OSBPL10: variants seen among roughly 807,000 people sequenced by gnomAD.
OSBPL10 encodes oxysterol-binding protein-related protein 10.
A neutral mutation model predicts 81.7 loss-of-function variants in OSBPL10; 49 were observed. That is an observed-to-expected ratio of 0.60 (90% CI 0.48 to 0.76). The LOEUF (loss-of-function observed/expected upper bound fraction) is 0.76. Among genes scored for constraint, OSBPL10 ranks in the 30% least tolerant of loss-of-function variants. OSBPL10 has a pLI of 0.00. For missense variants in OSBPL10, 923 were observed against 987.8 expected (o/e 0.93, Z 0.88); for synonymous variants, 419 against 383.6 (o/e 1.09, Z -1.08).
At chr3:31,687,061 A>G (rs2125556462) in intron 7 of OSBPL10, among the ~76,000 whole-genome samples, 1 of 152,248 alleles carries the variant, frequency 6.6e-6, no homozygotes, top group South Asian at 2.1e-4. Flanking sequence ...ATCAATGACA[A>G]AGGACAGGCT....
intron 2 of OSBPL10, chr3:31,989,202 G>C (rs747511742): frequency 1.2e-6 from 2 of 1,614,146 alleles, no homozygotes; most frequent in East Asian, 4.5e-5. Context: ...GGAAATGCCT[G>C]GACCCTACGC....
rs1215749385 is a variant in OSBPL10, at chr3:32,060,655, TA to T, written n.186-14053del. ...TTTGATTGTGTTGCTCCCCAGCTTT[TA>T]AAAAAACCCACTTCCATGGGCAGGC... On this transcript the variant is annotated intron_variant and non_coding_transcript_variant, in intron 1 of 3. Transcript: ENST00000479173. Among the ~76,000 whole-genome samples the T allele has an allele frequency of 1.7e-4, 7 of 41,322 alleles. 3 individuals are homozygous for T. Among genetic ancestry groups the T allele is most frequent in the Non-Finnish European group, 6.8e-4 (7 of 10,358 alleles). The allele number at this position is 41,322 out of a possible 152,430, so 27.1% of individuals were successfully genotyped here. A position where few individuals can be genotyped will look rare whatever the true frequency, so the allele number is the denominator to read the frequency against.
At position 31,844,037 on chromosome 3, in the gene OSBPL10, T is replaced by A. The variant is rs149974780; in HGVS notation, c.538-13806A>T. Reference sequence around the variant, plus strand: ...TGAGCAGAGTAGTACAAAGATTGTTTTTCCCCATGAGCAATTATGATAAGA... The same window carrying A: ...TGAGCAGAGTAGTACAAAGATTGTTATTCCCCATGAGCAATTATGATAAGA... On this transcript the variant is annotated intron_variant, in intron 3 of 11. Coordinates refer to ENST00000396556, the MANE Select transcript of OSBPL10 (RefSeq NM_017784.5). 6.9e-4 allele frequency among the ~76,000 whole-genome samples: 105 copies of A among 152,282 alleles called. 1 individual carries two copies. The highest frequency in any genetic ancestry group is 2.0e-3 in the African/African-American group (83 of 41,560).
At chr3:32,017,109 G>A (rs958584145) in intron 2 of OSBPL10, among the ~76,000 whole-genome samples, 3 of 152,166 alleles carry the variant, frequency 2.0e-5, no homozygotes, top group African/African-American at 7.2e-5. Context: ...GAAGAGGGCT[G>A]ATCACAGCAT....
intron 1 of OSBPL10, among the ~76,000 whole-genome samples, chr3:31,965,164 T>C (rs1698281333): frequency 1.3e-5 from 2 of 151,420 alleles, no homozygotes; most frequent in Admixed American, 6.6e-5. Context: ...GGTCAGGAGA[T>C]TGTGACCATC....
chr3:32,005,321 G>A (rs1699193587), intron 2 of OSBPL10, among the ~76,000 whole-genome samples: 1 of 152,064 alleles, frequency 6.6e-6, no homozygotes, highest in Non-Finnish European at 1.5e-5. Flanking sequence ...TATTCCACAG[G>A]TTGTATCTAT....
chr3:31,958,436 CTTT>C (rs1000650768), intron 1 of OSBPL10, among the ~76,000 whole-genome samples: 1 of 152,002 alleles, frequency 6.6e-6, no homozygotes, highest in Non-Finnish European at 1.5e-5. Context: ...GTGTGTTATG[CTTT>C]TTAATAATAT....
chr3:31,809,295 A>C (rs1699605204), intron 4 of OSBPL10, among the ~76,000 whole-genome samples: 1 of 152,234 alleles, frequency 6.6e-6, no homozygotes, highest in Admixed American at 6.5e-5. Flanking sequence ...CCCTATTTAC[A>C]AGTCGCCCAA....
chr3:31,927,926 A>C (rs538737846), intron 1 of OSBPL10, among the ~76,000 whole-genome samples: 65 of 152,180 alleles, frequency 4.3e-4, no homozygotes, highest in Non-Finnish European at 6.3e-4. Context: ...TAGCCCTTGT[A>C]GTCGGGAACA....
intron 4 of OSBPL10, among the ~76,000 whole-genome samples, chr3:31,758,248 G>C (rs963357632): frequency 6.6e-6 from 1 of 152,166 alleles, no homozygotes; most frequent in Non-Finnish European, 1.5e-5. Flanking sequence ...ACATGTGCAT[G>C]TATTAAATTT....
rs1700082063 is a variant in OSBPL10 at position 31,662,000 on chromosome 3, C to A, written c.*72G>T. On this transcript the variant is annotated 3_prime_UTR_variant, in exon 12 of 12. Coordinates refer to ENST00000396556, the MANE Select transcript of OSBPL10 (RefSeq NM_017784.5). The stretch of plus-strand genomic sequence containing the variant: ...AAGGTCTCAGTGAATGCCAACAAAA[C>A]CCTGATACTCTACTACTTTAATATT... 1.3e-6 allele frequency: 2 copies of A among 1,582,636 alleles called. No individual in the cohort carries two copies. The highest frequency in any genetic ancestry group is 3.7e-5 in the Admixed American group (2 of 54,250).
chr3:31,895,897 A>C (rs1479451930), intron 1 of OSBPL10, among the ~76,000 whole-genome samples: 2 of 152,194 alleles, frequency 1.3e-5, no homozygotes, highest in African/African-American at 2.4e-5. Flanking sequence ...GAAATACATC[A>C]CCATATTAAA....
rs1228493311 is a variant in OSBPL10 at position 31,948,966 on chromosome 3, A to C, written c.281+31933T>G. Among the ~76,000 whole-genome samples the C allele has an allele frequency of 6.6e-5, 10 of 152,340 alleles. No individual in the cohort carries two copies. The South Asian group carries it at 1.7e-3, about 25-fold the overall frequency. On this transcript the variant is annotated intron_variant, in intron 1 of 11. Coordinates refer to ENST00000396556, the MANE Select transcript of OSBPL10 (RefSeq NM_017784.5). ...TAAAAGACTATTTGATTATTCAGAG[A>C]AAAGGGAGCAGGTGTTTGGTAAGGT... is the stretch of plus-strand genomic sequence containing the variant.
chr3:31,816,270 G>C lies in OSBPL10; in HGVS notation c.729+13770C>G, dbSNP rs76332319. Among the ~76,000 whole-genome samples, 405 of 152,248 alleles carry C rather than the reference G, an allele frequency of 2.7e-3. 2 individuals carry two copies. Among genetic ancestry groups the C allele is most frequent in the African/African-American group, 9.1e-3 (377 of 41,558 alleles). ...AACTGTAACACCATGTAACTTTCATGTCAGTTTAACCAACCGCCTAGATCA... is the reference window on the plus strand; with the variant it reads ...AACTGTAACACCATGTAACTTTCATCTCAGTTTAACCAACCGCCTAGATCA... On this transcript the variant is annotated intron_variant, in intron 4 of 11. Coordinates refer to ENST00000396556, the MANE Select transcript of OSBPL10 (RefSeq NM_017784.5).
chr3:31,889,331 GA>G (rs1695828083), intron 1 of OSBPL10, among the ~76,000 whole-genome samples: 1 of 152,132 alleles, frequency 6.6e-6, no homozygotes, highest in South Asian at 2.1e-4. Flanking sequence ...TCAGTGTATT[GA>G]AGAGACATCT....
At chr3:31,792,650 A>C (rs1432797009) in intron 4 of OSBPL10, among the ~76,000 whole-genome samples, 1 of 151,310 alleles carries the variant, frequency 6.6e-6, no homozygotes, top group Non-Finnish European at 1.5e-5. Flanking sequence ...ATCCAGACAC[A>C]CTGTGTGTGT....
intron 3 of OSBPL10, among the ~76,000 whole-genome samples, chr3:31,870,945 TCTAA>T (rs1701308141): frequency 6.6e-6 from 1 of 152,084 alleles, no homozygotes; most frequent in Admixed American, 6.5e-5. Flanking sequence ...ATACTCTGTA[TCTAA>T]CTAATCTGAT....
At chr3:31,836,861 A>G (rs1700367768) in intron 3 of OSBPL10, among the ~76,000 whole-genome samples, 1 of 152,168 alleles carries the variant, frequency 6.6e-6, no homozygotes, top group Non-Finnish European at 1.5e-5. Context: ...AACATGAAAA[A>G]TTGTCTTTCT....
intron 2 of OSBPL10, among the ~76,000 whole-genome samples, chr3:32,003,546 T>A (rs1699171749): frequency 6.6e-6 from 1 of 152,140 alleles, no homozygotes; most frequent in Non-Finnish European, 1.5e-5. Flanking sequence ...AAAACCACCA[T>A]GAAGAAACAG....
Sources: allele counts gnomAD v4.1 joint callset (sites outside exome capture counted in the v4.1 genomes callset), GRCh38; gene constraint gnomAD v4.1.1; transcripts MANE v1.5; gene names NCBI Gene and HGNC (gene_info 2026-07-23, HGNC 2026-07-21).